Variants in SLC25A26 observed in about 807,000 individuals in gnomAD.
The protein encoded by SLC25A26 is solute carrier family 25 member 26.
In SLC25A26, 36 loss-of-function variants were observed where a neutral mutation model predicts 37.8. The ratio of observed to expected loss-of-function variants is 0.95; its 90% CI spans 0.73 to 1.26. The LOEUF (loss-of-function observed/expected upper bound fraction) is 1.26, where lower values mean the gene tolerates loss of function less well. Ranked by LOEUF, SLC25A26 falls within the 50% of genes most tolerant of loss-of-function variation. SLC25A26 has a pLI of 0.00. For synonymous variants in SLC25A26, 129 were observed against 122.5 expected (o/e 1.05, Z -0.35); for missense variants, 390 against 331.1 (o/e 1.18, Z -1.38).
chr3:66,239,479 A>G (rs141318189), intron 2 of SLC25A26, among the ~76,000 whole-genome samples: 3,562 of 152,212 alleles, frequency 0.023, 139 homozygotes, highest in African/African-American at 0.082. Flanking sequence ...GCAGCTGGGA[A>G]CTTGTTTACT....
rs953839104 is a variant in SLC25A26, at chr3:66,201,853, G to T, written c.-353-18889G>T. Among the ~76,000 whole-genome samples, 47 of 152,254 alleles carry T rather than the reference G, an allele frequency of 3.1e-4. No individual in the cohort carries two copies. The East Asian group carries it at 3.7e-3, about 12-fold the overall frequency. On this transcript the variant is annotated intron_variant, in intron 1 of 10. Transcript: ENST00000676754. Reference sequence around the variant, plus strand: ...TAGCTCTGAATGGGCAAGACAGAGAGTTTCACGATTAAACTACCAAAACCT... The same window carrying T: ...TAGCTCTGAATGGGCAAGACAGAGATTTTCACGATTAAACTACCAAAACCT...
chr3:66,151,355 G>A (rs542328341), intron 1 of SLC25A26, among the ~76,000 whole-genome samples: 3 of 152,166 alleles, frequency 2.0e-5, no homozygotes, highest in Admixed American at 6.5e-5. Context: ...GGGAGTGGGG[G>A]AGATAAGAAC....
upstream of SLC25A26, among the ~76,000 whole-genome samples, chr3:66,217,435 A>G (rs956543262): frequency 6.6e-6 from 1 of 152,232 alleles, no homozygotes; most frequent in South Asian, 2.1e-4. Flanking sequence ...AATAAACCGA[A>G]TATTTCTATA....
intron 1 of SLC25A26, among the ~76,000 whole-genome samples, chr3:66,223,016 T>A (rs1043562642): frequency 6.6e-6 from 1 of 152,010 alleles, no homozygotes; most frequent in Non-Finnish European, 1.5e-5. Flanking sequence ...AGCACACAAT[T>A]TTTCTTCCAT....
chr3:66,322,889 T>C (rs1003532567), intron 5 of SLC25A26, among the ~76,000 whole-genome samples: 1 of 152,210 alleles, frequency 6.6e-6, no homozygotes, highest in African/African-American at 2.4e-5. Flanking sequence ...TATAGTTAGG[T>C]TTTGTGATCA....
intron 5 of SLC25A26, among the ~76,000 whole-genome samples, chr3:66,282,760 C>T (rs752508927): frequency 1.3e-5 from 2 of 152,152 alleles, no homozygotes; most frequent in East Asian, 1.9e-4. Context: ...ATTCAGCGTA[C>T]GTATAGATTT....
At chr3:66,279,431 T>A (rs537361157) in intron 5 of SLC25A26, among the ~76,000 whole-genome samples, 1 of 152,162 alleles carries the variant, frequency 6.6e-6, no homozygotes, top group East Asian at 1.9e-4. Flanking sequence ...GGTGCTACAG[T>A]GTCCTCATTG....
chr3:66,260,202 C>T (rs1006817358), intron 3 of SLC25A26, among the ~76,000 whole-genome samples: 11 of 152,130 alleles, frequency 7.2e-5, no homozygotes, highest in African/African-American at 2.7e-4. Flanking sequence ...GCCCCACCCC[C>T]CTTTTGGCCA....
chr3:66,249,739 G>C (rs11927680), intron 3 of SLC25A26, among the ~76,000 whole-genome samples: 1,994 of 152,312 alleles, frequency 0.013, 47 homozygotes, highest in African/African-American at 0.045. Context: ...AGTGAGTCGT[G>C]GGGGATAGGT....
intron 5 of SLC25A26, among the ~76,000 whole-genome samples, chr3:66,275,098 G>T (rs1243152855): frequency 6.6e-6 from 1 of 152,056 alleles, no homozygotes; most frequent in South Asian, 2.1e-4. Context: ...AATGTCCTTT[G>T]TAGGGACATG....
chr3:66,311,916 A>C (rs2075389533), intron 5 of SLC25A26, among the ~76,000 whole-genome samples: 1 of 151,942 alleles, frequency 6.6e-6, no homozygotes, highest in Non-Finnish European at 1.5e-5. Flanking sequence ...CTTTTTTATG[A>C]GGTGTCTGTT....
chr3:66,377,441 C>G (rs1389141499), intron 9 of SLC25A26, among the ~76,000 whole-genome samples: 1 of 151,920 alleles, frequency 6.6e-6, no homozygotes, highest in Non-Finnish European at 1.5e-5. Flanking sequence ...CCAGCCTTAC[C>G]TAGGATTCAG....
intron 1 of SLC25A26, among the ~76,000 whole-genome samples, chr3:66,215,681 A>G (rs1190730648): frequency 6.6e-6 from 1 of 152,222 alleles, no homozygotes; most frequent in Non-Finnish European, 1.5e-5. Context: ...TGTTGATTCT[A>G]TCACTTAAAG....
intron 1 of SLC25A26, among the ~76,000 whole-genome samples, chr3:66,207,601 G>A: frequency 6.6e-6 from 1 of 152,220 alleles, no homozygotes; most frequent in East Asian, 1.9e-4. Context: ...CTAAATTCCT[G>A]CCCAAAGTAA....
chr3:66,161,660 T>C (rs2070361657), intron 1 of SLC25A26, among the ~76,000 whole-genome samples: 1 of 152,218 alleles, frequency 6.6e-6, no homozygotes, highest in African/African-American at 2.4e-5. Context: ...AGTTTTTGTT[T>C]GCCTGAATTA....
intron 5 of SLC25A26, among the ~76,000 whole-genome samples, chr3:66,266,533 A>G (rs2073757408): frequency 1.3e-5 from 2 of 150,476 alleles, no homozygotes; most frequent in South Asian, 2.1e-4. Flanking sequence ...CATGCATTAT[A>G]AGATAGATTC....
rs1287951231 is a variant in SLC25A26, at chr3:66,355,274, C to T, written c.499-7586C>T. ...TCTTATAAATTCTTAATATCTTTAC[C>T]GACTTATCTAGAATGCAAATATCTA... On this transcript the variant is annotated intron_variant, in intron 6 of 9. Transcript: ENST00000354883. 2.6e-5 allele frequency among the ~76,000 whole-genome samples: 4 copies of T among 151,766 alleles called. No homozygotes were observed. The East Asian group carries it at 5.8e-4, about 22-fold the overall frequency.
chr3:66,259,185 T>G (rs761003040), intron 3 of SLC25A26, among the ~76,000 whole-genome samples: 13 of 152,194 alleles, frequency 8.5e-5, no homozygotes, highest in Non-Finnish European at 1.5e-5. Context: ...AGGTGTGCCC[T>G]GCAACATTAT....
At chr3:66,226,473 GTTCTT>G (rs1167822772) in intron 1 of SLC25A26, among the ~76,000 whole-genome samples, 16 of 151,808 alleles carry the variant, frequency 1.1e-4, no homozygotes, top group African/African-American at 2.7e-4. Context: ...TTTCATGTGC[GTTCTT>G]TTCTTTTTTT....
Sources: gnomAD v4.1 joint callset for allele counts (sites outside exome capture counted in the v4.1 genomes callset) on GRCh38, gnomAD v4.1.1 for gene constraint, MANE v1.5 for transcripts, NCBI Gene and HGNC (gene_info 2026-07-23, HGNC 2026-07-21) for gene names.